RNF40: variants seen among roughly 807,000 people sequenced by gnomAD.
RNF40 encodes E3 ubiquitin-protein ligase BRE1B.
A neutral mutation model predicts 123.3 loss-of-function variants in RNF40; 39 were observed. The ratio of observed to expected loss-of-function variants is 0.32; its 90% CI spans 0.24 to 0.41. The LOEUF (loss-of-function observed/expected upper bound fraction) is 0.41. Ranked by LOEUF, RNF40 falls within the 10% of genes least tolerant of loss-of-function variation. The probability of loss-of-function intolerance (pLI) is 1.00; values close to 1 mark genes in which losing one functional copy is unlikely to be tolerated. For synonymous variants in RNF40, 538 were observed against 526.0 expected (o/e 1.02, Z -0.31); for missense variants, 1,003 against 1,319.9 (o/e 0.76, Z 3.72).
At chr16:30,764,510 C>A in intron 5 of RNF40, 125 bp downstream of exon 5, 1 of 831,508 alleles carries the variant, frequency 1.2e-6, no homozygotes, top group Non-Finnish European at 1.9e-6. Context: ...ATAAATCAGC[C>A]ATGTTCTTGG....
At position 30,775,442 on chromosome 16, in the gene RNF40, C is replaced by T. The variant is rs1444694181; in HGVS notation, c.*1328C>T. 5.2e-6 allele frequency: 1 copy of T among 191,688 alleles called. No homozygotes were observed. The highest frequency in any genetic ancestry group is 2.4e-5 in the African/African-American group (1 of 42,380). 11.9% of individuals were successfully genotyped at this position (191,688 alleles called of 1,614,324 possible). Reference sequence around the variant, plus strand: ...ATGCCGGGACTCCTCGGGCTGCATCCTGGGAAGTGTAGTTCCTGGTCCGCA... The same window carrying T: ...ATGCCGGGACTCCTCGGGCTGCATCTTGGGAAGTGTAGTTCCTGGTCCGCA... On this transcript the variant is annotated 3_prime_UTR_variant, in exon 20 of 20. Transcript: ENST00000324685.
intron 4 of RNF40, 46 bp downstream of exon 4, chr16:30,763,605 A>G (rs1284415446): frequency 6.2e-7 from 1 of 1,602,422 alleles, no homozygotes; most frequent in South Asian, 1.1e-5. Flanking sequence ...TTCTGGGAGA[A>G]GTCCTGGGGA....
At chr16:30,765,857 G>A (rs1234540321) in intron 8 of RNF40, among the ~76,000 whole-genome samples, 1 of 152,234 alleles carries the variant, frequency 6.6e-6, no homozygotes, top group Non-Finnish European at 1.5e-5. Flanking sequence ...AGCTAAGAGT[G>A]AGTTGGAGTC....
chr16:30,771,892 T>C lies in RNF40; in HGVS notation c.2646T>C (p.Thr882=). 1 of 1,609,804 alleles carries C rather than the reference T, an allele frequency of 6.2e-7. No homozygotes were observed. The highest frequency in any genetic ancestry group is 8.5e-7 in the Non-Finnish European group (1 of 1,177,564). ...DLKVQLEHVQ[T]RLREIQPCLA... ...AGGTGCAGCTGGAGCACGTGCAGAC[T>C]CGGCTGCGGGAGATCCAGCCCTGCC... The change falls in exon 18 of 20, where the codon ACT becomes ACC. Residue 882 remains threonine, a synonymous_variant. Coordinates refer to ENST00000324685, the MANE Select transcript of RNF40 (RefSeq NM_014771.4).
At chr16:30,772,244 A>G (rs1426266169) in intron 19 of RNF40, 54 bp downstream of exon 19, 1 of 1,411,502 alleles carries the variant, frequency 7.1e-7, no homozygotes, top group East Asian at 2.5e-5. Context: ...TAGATGCAGG[A>G]TTGCTGAGAC....
intron 1 of RNF40, 33 bp from the exon 2 acceptor site, chr16:30,762,442 C>A: frequency 1.6e-6 from 2 of 1,228,940 alleles, no homozygotes; most frequent in Non-Finnish European, 2.2e-6. Context: ...GAACACCAGC[C>A]GTTCCCACAT....
Position 30,766,466 on chromosome 16 carries a change from G to A in RNF40, c.1201G>A (p.Glu401Lys). Residue 401 changes from glutamate (E) to lysine (K), a missense_variant, in exon 10 of 20, where the codon GAG becomes AAG. Glu to Lys is a moderately conservative substitution (Grantham distance 56). This residue lies in a region of RNF40 where 274 missense variants were observed against 356.9 expected (regional missense o/e 0.77). Coordinates refer to ENST00000324685, the MANE Select transcript of RNF40 (RefSeq NM_014771.4). The surrounding 1 kb of genome is among the most constrained non-coding windows in gnomAD (Gnocchi z 5.4). ...LQAQFSLLYN[E>K]SLQVKTQLDE... ...GGCCCAATTCTCACTGCTCTACAACGAGTCTCTGCAAGTGAAGACCCAGCT... is the reference window on the plus strand; with the variant it reads ...GGCCCAATTCTCACTGCTCTACAACAAGTCTCTGCAAGTGAAGACCCAGCT... 13 of 1,613,944 alleles carry A rather than the reference G, an allele frequency of 8.1e-6. No individual in the cohort carries two copies. The highest frequency in any genetic ancestry group is 1.1e-5 in the Non-Finnish European group (13 of 1,180,020).
In RNF40 at chr16:30,771,925, G is replaced by A. The variant is rs1474146997; in HGVS notation, c.2679G>A (p.Glu893=). 12 of 1,606,228 alleles carry A rather than the reference G, an allele frequency of 7.5e-6. No individual in the cohort carries two copies. The highest frequency in any genetic ancestry group is 1.3e-5 in the African/African-American group (1 of 74,804). ...GGGAGATCCAGCCCTGCCTGGCAGA[G>A]AGCCGGGCTGCTCGTGAGAAAGAGA... The part of the protein sequence containing the change: ...RLREIQPCLA[E]SRAAREKESF... The change falls in exon 18 of 20, where the codon GAG becomes GAA. Residue 893 remains glutamate, a synonymous_variant. Transcript: ENST00000324685.
rs1418820502 is a variant in RNF40 at position 30,768,748 on chromosome 16, TG to T, written c.2097+16del. ...AGGCTAAGGCCGAGGTGAGGGCAGC[TG>T]GGGCTTGTGGGGCATTCAGAAAGGC... is the stretch of plus-strand genomic sequence containing the variant. On this transcript the variant is annotated intron_variant, in intron 14 of 19. Transcript: ENST00000324685. This position sits in a 1 kb window ranked among gnomAD's most constrained non-coding sequence, Gnocchi z 4.1. 1 of 1,613,820 alleles carries T rather than the reference TG, an allele frequency of 6.2e-7. No homozygotes were observed.
At chr16:30,763,345 C>T (rs2053933066) in intron 3 of RNF40, 60 bp downstream of exon 3, 3 of 1,608,680 alleles carry the variant, frequency 1.9e-6, no homozygotes, top group Non-Finnish European at 2.6e-6. Flanking sequence ...CCCAGATTCC[C>T]CTGCTAGGAA....
chr16:30,768,080 C>A lies in RNF40; in HGVS notation c.1552-23C>A, dbSNP rs1001588448. 6.2e-7 allele frequency: 1 copy of A among 1,613,104 alleles called. No homozygotes were observed. Among genetic ancestry groups the A allele is most frequent in the Non-Finnish European group, 8.5e-7 (1 of 1,179,254 alleles). On this transcript the variant is annotated intron_variant, in intron 12 of 19. Coordinates refer to ENST00000324685, the MANE Select transcript of RNF40 (RefSeq NM_014771.4). This position sits in a 1 kb window ranked among gnomAD's most constrained non-coding sequence, Gnocchi z 4.1. Reference sequence around the variant, plus strand: ...CCAGTGAACACCATCTGACTTCATCCCTCTTCCTCTCTGCCTTTGCAGCTC... The same window carrying A: ...CCAGTGAACACCATCTGACTTCATCACTCTTCCTCTCTGCCTTTGCAGCTC...
chr16:30,766,401 A>C lies in RNF40; in HGVS notation c.1136A>C (p.Glu379Ala). 1 of 1,613,622 alleles carries C rather than the reference A, an allele frequency of 6.2e-7. No homozygotes were observed. The highest frequency in any genetic ancestry group is 8.5e-7 in the Non-Finnish European group (1 of 1,179,704). ...CAGGTGGCCCTGCGGAGCCTTCCTG[A>C]GGAGGTAGTGCGGGAGACGGGGGAG... ...RLKVALRSLP[E>A]EVVRETGEYR... The change falls in exon 10 of 20, where the codon GAG (glutamate) becomes GCG (alanine). Residue 379 changes from glutamate (E) to alanine (A), a missense_variant. Physicochemically the swap from Glu to Ala is moderately radical, Grantham distance 107 (BLOSUM62 -1). Around this residue, in one of 11 missense-constraint regions of RNF40, gnomAD observed 274 missense variants for 356.9 expected, o/e 0.77. Transcript: ENST00000324685. This position sits in a 1 kb window ranked among gnomAD's most constrained non-coding sequence, Gnocchi z 5.4.
At position 30,774,169 on chromosome 16, in the gene RNF40, TCTC is replaced by T. The variant is rs1464831881; in HGVS notation, c.*60_*62del. 5 of 1,506,928 alleles carry T rather than the reference TCTC, an allele frequency of 3.3e-6. No individual in the cohort carries two copies. In the African/African-American group the frequency reaches 5.6e-5, roughly 17 times the overall value. The allele number at this position is 1,506,928 out of a possible 1,614,324, so 93.3% of individuals were successfully genotyped here. ...ATGGACCCTGGGGGCTGTGCCCCCATCTCCTCCCCACCCCAGGTCTAGTGGCCC... is the reference window on the plus strand; with the variant it reads ...ATGGACCCTGGGGGCTGTGCCCCCATCTCCCCACCCCAGGTCTAGTGGCCC... On this transcript the variant is annotated 3_prime_UTR_variant, in exon 20 of 20. Coordinates refer to ENST00000324685, the MANE Select transcript of RNF40 (RefSeq NM_014771.4).
chr16:30,772,641 A>G (rs1257974436), intron 19 of RNF40, among the ~76,000 whole-genome samples: 1 of 152,210 alleles, frequency 6.6e-6, no homozygotes, highest in East Asian at 1.9e-4. Context: ...GGCAAAGGGA[A>G]CAGCAGATGT....
Position 30,764,924 on chromosome 16 carries a change from C to T in RNF40, c.650-14C>T, listed in dbSNP as rs778704241. The T allele has an allele frequency of 1.2e-6, 2 of 1,609,196 alleles. No individual in the cohort carries two copies. Among genetic ancestry groups the T allele is most frequent in the Non-Finnish European group, 1.7e-6 (2 of 1,178,574 alleles). ...GCCCTGAGCTGGGCTCTTACCTGGG[C>T]CCTGCCTTCCCAGGGGACAGTGAGC... On this transcript the variant is annotated splice_polypyrimidine_tract_variant and intron_variant, in intron 5 of 19. Transcript: ENST00000324685.
Position 30,774,353 on chromosome 16 carries a change from G to T in RNF40, c.*239G>T, listed in dbSNP as rs112016949. 2 of 489,240 alleles carry T rather than the reference G, an allele frequency of 4.1e-6. No homozygotes were observed. The highest frequency in any genetic ancestry group is 1.9e-5 in the African/African-American group (1 of 52,050). 30.3% of individuals were successfully genotyped at this position (489,240 alleles called of 1,614,324 possible). A position where few individuals can be genotyped will look rare whatever the true frequency, so the allele number is the denominator to read the frequency against. On this transcript the variant is annotated 3_prime_UTR_variant, in exon 20 of 20. Transcript: ENST00000324685. The stretch of plus-strand genomic sequence containing the variant: ...CTAGGGGGCACTGCCCTACAGAAAA[G>T]GTCTGCCTGAGAGGCCTGAGGAGCC...
At chr16:30,769,890 G>A (rs2054116372) in intron 17 of RNF40, among the ~76,000 whole-genome samples, 2 of 152,174 alleles carry the variant, frequency 1.3e-5, no homozygotes, top group South Asian at 4.2e-4. Flanking sequence ...TTGAGGCCAG[G>A]AGTTGGAGAC....
chr16:30,767,906 G>A lies in RNF40; in HGVS notation c.1442G>A (p.Arg481His). The change falls in exon 12 of 20, where the codon CGT (arginine) becomes CAT (histidine). Residue 481 changes from arginine (R) to histidine (H), a missense_variant. By Grantham distance (29) the Arg-to-His change is conservative. Coordinates refer to ENST00000324685, the MANE Select transcript of RNF40 (RefSeq NM_014771.4). Reference sequence around the variant, plus strand: ...GATGCTCCTCCAGGGCCCATCAACCGTGAGATGCGCCACCTGATTAGTAGT... The same window carrying A: ...GATGCTCCTCCAGGGCCCATCAACCATGAGATGCGCCACCTGATTAGTAGT... ...AANEQAGPIN[R>H]EMRHLISSLQ... The A allele has an allele frequency of 6.8e-6, 11 of 1,614,116 alleles. No homozygotes were observed. The highest frequency in any genetic ancestry group is 7.6e-6 in the Non-Finnish European group (9 of 1,180,036).
Position 30,774,026 on chromosome 16 carries a change from G to A in RNF40, c.2918G>A (p.Arg973Gln), listed in dbSNP as rs2054192605. 1.9e-6 allele frequency: 3 copies of A among 1,614,102 alleles called. No homozygotes were observed. Among genetic ancestry groups the A allele is most frequent in the East Asian group, 2.2e-5 (1 of 44,888 alleles). The change falls in exon 20 of 20, where the codon CGG (arginine) becomes CAG (glutamine). Residue 973 changes from arginine to glutamine, a missense_variant. This residue lies in a region of RNF40 where 76 missense variants were observed against 134.1 expected (regional missense o/e 0.57). Coordinates refer to ENST00000324685, the MANE Select transcript of RNF40 (RefSeq NM_014771.4). ...CFHVFCFECV[R>Q]GRYEARQRKC... Reference sequence around the variant, plus strand: ...CACGTTTTCTGCTTCGAGTGCGTGCGGGGCCGCTATGAGGCCCGCCAGAGG... The same window carrying A: ...CACGTTTTCTGCTTCGAGTGCGTGCAGGGCCGCTATGAGGCCCGCCAGAGG...
Sources: allele counts gnomAD v4.1 joint callset (sites outside exome capture counted in the v4.1 genomes callset), GRCh38; gene constraint gnomAD v4.1.1; regional missense constraint gnomAD v4.1.1; non-coding constraint Gnocchi (gnomAD v3.1); transcripts MANE v1.5; gene names NCBI Gene and HGNC (gene_info 2026-07-23, HGNC 2026-07-21).